The following DNAJB1 variants were observed in gnomAD, a reference collection of about 807,000 sequenced individuals.
DNAJB1 encodes the protein DnaJ heat shock protein family (Hsp40) member B1.
DNAJB1 carries 14 observed loss-of-function variants against 24.0 expected under a neutral mutation model. The observed-to-expected ratio is 0.58, with a 90% confidence interval of 0.39 to 0.91. DNAJB1 has a LOEUF of 0.91. Ranked by LOEUF, DNAJB1 falls within the 40% of genes least tolerant of loss-of-function variation. DNAJB1 has a pLI of 0.00. For missense variants in DNAJB1, 517 were observed against 458.1 expected (o/e 1.13, Z -1.17); for synonymous variants, 262 against 174.4 (o/e 1.50, Z -3.96).
intron 1 of DNAJB1, among the ~76,000 whole-genome samples, chr19:14,557,403 A>T (rs2073768523): frequency 6.6e-6 from 1 of 150,420 alleles, no homozygotes. Context: ...GGCCTCCCAA[A>T]GTGCTGGGAT....
intron 2 of DNAJB1, among the ~76,000 whole-genome samples, chr19:14,525,850 A>G (rs577411335): frequency 1.4e-4 from 22 of 152,046 alleles, no homozygotes; most frequent in Admixed American, 3.9e-4. Context: ...CAGGCAAGAC[A>G]GGATAGGGCT....
At chr19:14,556,790 C>G (rs532638259) in intron 1 of DNAJB1, among the ~76,000 whole-genome samples, 8 of 152,308 alleles carry the variant, frequency 5.3e-5, no homozygotes, top group African/African-American at 1.9e-4. Flanking sequence ...GCTGCGGGTG[C>G]CCTTCCAGCA....
chr19:14,517,292 G>T (rs1471399749), intron 1 of DNAJB1: 4 of 496,792 alleles, frequency 8.1e-6, no homozygotes, highest in Non-Finnish European at 1.4e-5. Context: ...ACCTCCAGGT[G>T]CCACCTAGGC....
chr19:14,555,438 CT>C (rs747503834), intron 1 of DNAJB1, among the ~76,000 whole-genome samples: 2,441 of 92,842 alleles, frequency 0.026, 44 homozygotes, highest in African/African-American at 0.065. Context: ...TTTATTTATT[CT>C]TTTTTTTTTT....
upstream of DNAJB1, chr19:14,518,429 G>T: frequency 8.3e-7 from 1 of 1,205,702 alleles, no homozygotes; most frequent in Non-Finnish European, 1.1e-6. Context: ...CTATATACCC[G>T]TCCGGCGGAA....
At chr19:14,547,347 T>G (rs1056293190) in intron 1 of DNAJB1, among the ~76,000 whole-genome samples, 6 of 101,008 alleles carry the variant, frequency 5.9e-5, no homozygotes, top group Non-Finnish European at 1.4e-4. Context: ...CCTGGCCTAT[T>G]TTATTTTATT....
upstream of DNAJB1, among the ~76,000 whole-genome samples, chr19:14,534,727 G>A (rs796329989): frequency 2.0e-5 from 3 of 152,082 alleles, no homozygotes; most frequent in African/African-American, 7.2e-5. Context: ...GTGAGCCACC[G>A]CACCTTGCCC....
upstream of DNAJB1, among the ~76,000 whole-genome samples, chr19:14,522,843 T>C (rs117500038): frequency 3.2e-3 from 494 of 152,280 alleles, no homozygotes; most frequent in Non-Finnish European, 5.5e-3. Context: ...ACTGTTTCCT[T>C]ATTTCCTACG....
intron 1 of DNAJB1, among the ~76,000 whole-genome samples, chr19:14,540,395 A>G (rs1455254851): frequency 6.7e-5 from 10 of 149,676 alleles, no homozygotes. Flanking sequence ...TTATTTATTA[A>G]AAAATGTGTG....
At chr19:14,529,965 C>T (rs73519887), upstream of DNAJB1, 1,610 of 579,010 alleles carry the variant, frequency 2.8e-3, 20 homozygotes, top group African/African-American at 0.027. Context: ...GGGGCTGGGA[C>T]GCTTGCAGGT....
chr19:14,533,288 C>T (rs1339050725), upstream of DNAJB1, among the ~76,000 whole-genome samples: 1 of 151,802 alleles, frequency 6.6e-6, no homozygotes, highest in Non-Finnish European at 1.5e-5. Flanking sequence ...GGTGTGGTGG[C>T]GCACGCCTGA....
intron 1 of DNAJB1, among the ~76,000 whole-genome samples, chr19:14,559,705 T>A (rs1034640349): frequency 6.6e-6 from 1 of 151,806 alleles, no homozygotes; most frequent in African/African-American, 2.4e-5. Context: ...GAGAATCGTT[T>A]GAACCTGGGG....
intron 2 of DNAJB1, among the ~76,000 whole-genome samples, chr19:14,524,715 G>A (rs543929815): frequency 4.6e-5 from 7 of 151,416 alleles, no homozygotes; most frequent in Admixed American, 2.0e-4. Context: ...GCATGGTGGC[G>A]TGCACCTGTA....
chr19:14,536,246 G>C (rs2072893590), intron 1 of DNAJB1, among the ~76,000 whole-genome samples: 1 of 151,330 alleles, frequency 6.6e-6, no homozygotes. Flanking sequence ...CCACGGGCAA[G>C]GTCTTTAGTT....
At chr19:14,560,110 C>T (rs1443746962) in exon 1 of DNAJB1, among the ~76,000 whole-genome samples, 1 of 152,182 alleles carries the variant, frequency 6.6e-6, no homozygotes, top group Admixed American at 6.5e-5. Context: ...GAGCGTGGCC[C>T]CTCTCTCGCT....
chr19:14,523,090 C>G (rs2072380705), upstream of DNAJB1, among the ~76,000 whole-genome samples: 1 of 152,042 alleles, frequency 6.6e-6, no homozygotes, highest in Admixed American at 6.6e-5. Flanking sequence ...CCCATACTCC[C>G]AGCTACTCGG....
rs763274356 is a variant in DNAJB1, at chr19:14,518,374, C to T, written c.-25G>A. 7.9e-6 allele frequency: 12 copies of T among 1,527,872 alleles called. No individual in the cohort carries two copies. The highest frequency in any genetic ancestry group is 1.4e-5 in the African/African-American group (1 of 71,694). 94.6% of individuals were successfully genotyped at this position (1,527,872 alleles called of 1,614,324 possible). ...TGACCCCCTCCTGCGGCCCGCCGAC[C>T]CGCTGTCGCCGTCCCCCGGCTCCGC... On this transcript the variant is annotated 5_prime_UTR_variant, in exon 1 of 3. Transcript: ENST00000254322.
At chr19:14,554,989 G>C (rs1029370621), upstream of DNAJB1, among the ~76,000 whole-genome samples, 5 of 151,754 alleles carry the variant, frequency 3.3e-5, no homozygotes, top group Non-Finnish European at 5.9e-5. Context: ...ATGTTAGCCT[G>C]GCTGGTCTTG....
At chr19:14,551,946 C>CT (rs2073530151), upstream of DNAJB1, among the ~76,000 whole-genome samples, 1 of 71,242 alleles carries the variant, frequency 1.4e-5, no homozygotes, top group Non-Finnish European at 2.5e-5. Context: ...TCCCTCCCTC[C>CT]CTCTCTCTCT....
Sources: gnomAD v4.1 joint callset for allele counts (sites outside exome capture counted in the v4.1 genomes callset) on GRCh38, gnomAD v4.1.1 for gene constraint, MANE v1.5 for transcripts, NCBI Gene and HGNC (gene_info 2026-07-23, HGNC 2026-07-21) for gene names.